Variants in PDE1A observed in about 807,000 individuals in gnomAD.
PDE1A encodes the protein phosphodiesterase 1A, also known as dual specificity calcium/calmodulin-dependent 3',5'-cyclic nucleotide phosphodiesterase 1A.
In PDE1A, 35 loss-of-function variants were observed where a neutral mutation model predicts 61.7. The observed-to-expected ratio is 0.57, with a 90% CI of 0.43 to 0.75. The LOEUF is 0.75. PDE1A is among the 30% of genes least tolerant of loss of function. The pLI is 0.00. For missense variants in PDE1A, 597 were observed against 630.6 expected (o/e 0.95, Z 0.57); for synonymous variants, 232 against 213.2 (o/e 1.09, Z -0.77).
At chr2:182,448,748 C>A (rs1321830872) in intron 2 of PDE1A, among the ~76,000 whole-genome samples, 3 of 151,962 alleles carry the variant, frequency 2.0e-5, no homozygotes, top group African/African-American at 7.2e-5. Context: ...TCTAAATGAT[C>A]TTTTTTATTT....
chr2:182,628,369 A>G, the PDE1A span, among the ~76,000 whole-genome samples: 1 of 152,200 alleles, frequency 6.6e-6, no homozygotes, highest in Admixed American at 6.5e-5. Context: ...ACATTTTTTA[A>G]TTTGGCATAT....
At chr2:182,165,464 A>G (rs772029455), downstream of PDE1A, among the ~76,000 whole-genome samples, 6 of 152,144 alleles carry the variant, frequency 3.9e-5, no homozygotes, top group Non-Finnish European at 8.8e-5. Flanking sequence ...AGGGCGATTG[A>G]TTGGCCTACT....
intron 1 of PDE1A, among the ~76,000 whole-genome samples, chr2:182,337,215 G>A (rs1697892132): frequency 6.6e-6 from 1 of 151,844 alleles, no homozygotes; most frequent in African/African-American, 2.4e-5. Context: ...GATTTGAACA[G>A]AAAAAGATGG....
intron 13 of PDE1A, among the ~76,000 whole-genome samples, chr2:182,160,206 C>A (rs765228582): frequency 6.6e-6 from 1 of 152,118 alleles, no homozygotes; most frequent in Non-Finnish European, 1.5e-5. Flanking sequence ...TATGCTCCCT[C>A]CCTGGGTGTA....
At chr2:182,541,481 ACTTC>A in the PDE1A span, among the ~76,000 whole-genome samples, 1 of 152,220 alleles carries the variant, frequency 6.6e-6, no homozygotes, top group East Asian at 1.9e-4. Flanking sequence ...TAACCACAGA[ACTTC>A]CTTCACTAGG....
At chr2:182,313,718 A>G (rs6757164) in intron 1 of PDE1A, among the ~76,000 whole-genome samples, 36,233 of 151,984 alleles carry the variant, frequency 0.24, 4,682 homozygotes, top group East Asian at 0.48. Context: ...ACTTTAATTT[A>G]TCAATTTATT....
At chr2:182,692,486 A>T in the PDE1A span, among the ~76,000 whole-genome samples, 1 of 151,616 alleles carries the variant, frequency 6.6e-6, no homozygotes, top group Non-Finnish European at 1.5e-5. Flanking sequence ...ACTTGGACAC[A>T]GGAAAGGGAA....
chr2:182,322,733 A>G (rs1004288322), intron 1 of PDE1A, among the ~76,000 whole-genome samples: 1 of 152,298 alleles, frequency 6.6e-6, no homozygotes, highest in South Asian at 2.1e-4. Context: ...TAAGACACTC[A>G]CCATTTTTAT....
At chr2:182,714,658 G>T in the PDE1A span, among the ~76,000 whole-genome samples, 605 of 151,874 alleles carry the variant, frequency 4.0e-3, 3 homozygotes, top group African/African-American at 0.013. Context: ...TCTGTCTCCC[G>T]GGTTCAAGCG....
intron 2 of PDE1A, among the ~76,000 whole-genome samples, chr2:182,520,920 T>C (rs1690525603): frequency 6.6e-6 from 1 of 152,024 alleles, no homozygotes; most frequent in Non-Finnish European, 1.5e-5. Context: ...CTTGTTCCGC[T>C]AGAGAACAAC....
At chr2:182,560,059 G>A in the PDE1A span, among the ~76,000 whole-genome samples, 1 of 139,892 alleles carries the variant, frequency 7.1e-6, no homozygotes, top group Non-Finnish European at 1.6e-5. Context: ...GAAGAGATAG[G>A]GATTCTTTTT....
At chr2:182,295,067 T>TTTTTTTTTTTC in intron 1 of PDE1A, among the ~76,000 whole-genome samples, 1 of 95,342 alleles carries the variant, frequency 1.0e-5, no homozygotes, top group Non-Finnish European at 2.3e-5. Flanking sequence ...CTTTTTTTTT[T>TTTTTTTTTTTC]TTTTTTTTTT....
chr2:182,500,513 G>T (rs1480131511), intron 2 of PDE1A, among the ~76,000 whole-genome samples: 2 of 152,124 alleles, frequency 1.3e-5, no homozygotes, highest in African/African-American at 4.8e-5. Context: ...GCCAAAAAAT[G>T]CAAAGTATTA....
chr2:182,488,738 A>C (rs554895061), intron 2 of PDE1A, among the ~76,000 whole-genome samples: 14 of 152,382 alleles, frequency 9.2e-5, no homozygotes, highest in Non-Finnish European at 1.8e-4. Flanking sequence ...ATTAAAACTA[A>C]TATCCAATGC....
the PDE1A span, among the ~76,000 whole-genome samples, chr2:182,714,226 C>A: frequency 4.6e-5 from 7 of 152,142 alleles, no homozygotes; most frequent in African/African-American, 1.7e-4. Flanking sequence ...CTTCATGAAG[C>A]TTAGATTCTT....
At chr2:182,603,562 C>A in the PDE1A span, among the ~76,000 whole-genome samples, 1 of 152,186 alleles carries the variant, frequency 6.6e-6, no homozygotes, top group Non-Finnish European at 1.5e-5. Flanking sequence ...GTTGGCCAGG[C>A]TGGTCTTGAA....
intron 1 of PDE1A, among the ~76,000 whole-genome samples, chr2:182,363,669 A>C (rs763942776): frequency 1.3e-5 from 2 of 152,094 alleles, no homozygotes; most frequent in Admixed American, 6.6e-5. Context: ...CAGAGTAAAA[A>C]GAAAAAAGGC....
the PDE1A span, among the ~76,000 whole-genome samples, chr2:182,664,441 T>C: frequency 3.9e-5 from 6 of 152,170 alleles, no homozygotes; most frequent in African/African-American, 1.4e-4. Context: ...CAGAACCACA[T>C]GTACTAAAAT....
chr2:182,453,659 AC>A (rs1322432984), intron 2 of PDE1A, among the ~76,000 whole-genome samples: 1 of 152,180 alleles, frequency 6.6e-6, no homozygotes, highest in African/African-American at 2.4e-5. Context: ...AGAACCAAAG[AC>A]AAAAACCACA....
Sources: gnomAD v4.1 joint callset for allele counts (sites outside exome capture counted in the v4.1 genomes callset) on GRCh38, gnomAD v4.1.1 for gene constraint, MANE v1.5 for transcripts, NCBI Gene and HGNC (gene_info 2026-07-23, HGNC 2026-07-21) for gene names.